ERC2: variants seen among roughly 807,000 people sequenced by gnomAD.
The protein encoded by ERC2 is ERC protein 2.
A neutral mutation model predicts 114.8 loss-of-function variants in ERC2; 42 were observed. That is an observed-to-expected ratio of 0.37 (90% CI 0.29 to 0.47). The LOEUF (loss-of-function observed/expected upper bound fraction) is 0.47, where lower values mean the gene tolerates loss of function less well. Ranked by LOEUF, ERC2 falls within the 20% of genes least tolerant of loss-of-function variation. The pLI, the probability that ERC2 is intolerant of heterozygous loss-of-function variation, is 0.99. For missense variants in ERC2, 939 were observed against 1,150.7 expected (o/e 0.82, Z 2.66); for synonymous variants, 454 against 425.5 (o/e 1.07, Z -0.82).
At chr3:55,537,892 G>T (rs1404575552) in intron 17 of ERC2, among the ~76,000 whole-genome samples, 1 of 152,162 alleles carries the variant, frequency 6.6e-6, no homozygotes, top group Non-Finnish European at 1.5e-5. Context: ...ACAAATGAAG[G>T]CTGTGCCTAT....
intron 13 of ERC2, among the ~76,000 whole-genome samples, chr3:55,902,107 A>G (rs943486952): frequency 1.3e-5 from 2 of 152,270 alleles, no homozygotes; most frequent in Non-Finnish European, 2.9e-5. Flanking sequence ...TTTCCTTATT[A>G]TTATAATTCA....
chr3:56,123,159 T>C (rs2079675042), intron 6 of ERC2, among the ~76,000 whole-genome samples: 1 of 152,158 alleles, frequency 6.6e-6, no homozygotes, highest in African/African-American at 2.4e-5. Flanking sequence ...TGCTATAGTC[T>C]GAATGCTTAT....
At chr3:56,219,020 G>C (rs548812183) in intron 3 of ERC2, among the ~76,000 whole-genome samples, 8 of 152,220 alleles carry the variant, frequency 5.3e-5, no homozygotes, top group African/African-American at 1.7e-4. Flanking sequence ...ATAGCATCAG[G>C]AGATATACCT....
intron 6 of ERC2, among the ~76,000 whole-genome samples, chr3:56,108,869 C>T (rs1191824677): frequency 1.3e-5 from 2 of 151,806 alleles, no homozygotes; most frequent in Non-Finnish European, 2.9e-5. Flanking sequence ...ACATACAGTC[C>T]CCAAACAGAG....
chr3:56,016,575 C>A (rs2073326953), intron 8 of ERC2, among the ~76,000 whole-genome samples: 1 of 151,966 alleles, frequency 6.6e-6, no homozygotes, highest in Non-Finnish European at 1.5e-5. Context: ...AGTGCAGATT[C>A]CCAGGCCCTA....
intron 2 of ERC2, among the ~76,000 whole-genome samples, chr3:56,323,477 G>T (rs900153771): frequency 2.0e-5 from 3 of 152,136 alleles, no homozygotes; most frequent in African/African-American, 4.8e-5. Context: ...ACTAGGCCCT[G>T]TCAAATCACC....
chr3:55,802,929 T>C (rs1196301042), intron 14 of ERC2, among the ~76,000 whole-genome samples: 1 of 152,346 alleles, frequency 6.6e-6, no homozygotes, highest in East Asian at 1.9e-4. Flanking sequence ...CTGGTTTCTC[T>C]TCCTGAATAT....
At chr3:55,548,548 A>T (rs912538960) in intron 17 of ERC2, among the ~76,000 whole-genome samples, 3 of 152,192 alleles carry the variant, frequency 2.0e-5, no homozygotes, top group Admixed American at 2.0e-4. Context: ...AAACAAGGGC[A>T]GGGAAAAACC....
In ERC2 at chr3:55,876,762, G is replaced by A. The variant is rs147641210; in HGVS notation, c.2564+11627C>T. The stretch of plus-strand genomic sequence containing the variant: ...CCAAGCAGCAGGCATTGATGGAACA[G>A]GTCTTTTGGATTCCAGCCAGGGTTT... On this transcript the variant is annotated intron_variant, in intron 14 of 17. Transcript: ENST00000288221. Among the ~76,000 whole-genome samples the A allele has an allele frequency of 1.3e-3, 195 of 152,268 alleles. 1 individual carries two copies. Among genetic ancestry groups the A allele is most frequent in the African/African-American group, 4.4e-3 (183 of 41,562 alleles).
intron 3 of ERC2, among the ~76,000 whole-genome samples, chr3:56,217,600 G>A (rs2049577702): frequency 6.6e-6 from 1 of 152,058 alleles, no homozygotes; most frequent in African/African-American, 2.4e-5. Flanking sequence ...TCCCCATCAA[G>A]CTACCAATGA....
chr3:56,038,038 C>G (rs1025323263), intron 7 of ERC2, among the ~76,000 whole-genome samples: 4 of 151,692 alleles, frequency 2.6e-5, no homozygotes, highest in Non-Finnish European at 1.5e-5. Context: ...ATAGGCATGA[C>G]AAAACTTCAA....
At chr3:55,643,297 TG>T (rs2060262840) in intron 17 of ERC2, among the ~76,000 whole-genome samples, 1 of 152,344 alleles carries the variant, frequency 6.6e-6, no homozygotes, top group East Asian at 1.9e-4. Context: ...TCCTTGATTG[TG>T]GGGAAGATTT....
intron 2 of ERC2, among the ~76,000 whole-genome samples, chr3:56,298,818 G>A (rs957615473): frequency 6.6e-6 from 1 of 152,106 alleles, no homozygotes; most frequent in Non-Finnish European, 1.5e-5. Context: ...TAAAACCAAC[G>A]AATTTCACAC....
At chr3:56,012,492 T>A (rs551869876) in intron 8 of ERC2, among the ~76,000 whole-genome samples, 1 of 152,132 alleles carries the variant, frequency 6.6e-6, no homozygotes, top group African/African-American at 2.4e-5. Flanking sequence ...GCTGGGCAAA[T>A]CATCTGGCAT....
At chr3:56,087,116 C>G (rs2077544419) in intron 6 of ERC2, among the ~76,000 whole-genome samples, 1 of 151,682 alleles carries the variant, frequency 6.6e-6, no homozygotes, top group Non-Finnish European at 1.5e-5. Context: ...AACTAGTCAT[C>G]TAATGTTAAA....
At chr3:56,313,000 T>TTATATATATA (rs2056668104) in intron 2 of ERC2, among the ~76,000 whole-genome samples, 7 of 9,104 alleles carry the variant, frequency 7.7e-4, no homozygotes, top group Non-Finnish European at 1.3e-3. Flanking sequence ...ATATGTATAT[T>TTATATATATA]CATATATATA....
At chr3:55,698,630 A>AG (rs1026550661) in intron 16 of ERC2, among the ~76,000 whole-genome samples, 3 of 152,194 alleles carry the variant, frequency 2.0e-5, no homozygotes, top group Non-Finnish European at 4.4e-5. Flanking sequence ...AAACGGGGGC[A>AG]GGGGGAGGCA....
chr3:55,925,568 C>A (rs552747813), intron 13 of ERC2, among the ~76,000 whole-genome samples: 1 of 152,164 alleles, frequency 6.6e-6, no homozygotes, highest in Non-Finnish European at 1.5e-5. Context: ...TCCTGGACAA[C>A]TGGGCAGATG....
intron 10 of ERC2, among the ~76,000 whole-genome samples, chr3:55,994,774 C>T (rs544767394): frequency 2.6e-5 from 4 of 151,460 alleles, no homozygotes; most frequent in African/African-American, 9.7e-5. Context: ...TTATTCAACG[C>T]CACTTTTCAA....
Sources: allele counts gnomAD v4.1 joint callset (sites outside exome capture counted in the v4.1 genomes callset), GRCh38; gene constraint gnomAD v4.1.1; transcripts MANE v1.5; gene names NCBI Gene and HGNC (gene_info 2026-07-23, HGNC 2026-07-21).